Variants in CDH4 observed in about 807,000 individuals in gnomAD.
CDH4 encodes cadherin 4.
In CDH4, 33 loss-of-function variants were observed where a neutral mutation model predicts 86.0. The observed-to-expected ratio is 0.38, with a 90% CI of 0.29 to 0.51. CDH4 has a LOEUF of 0.51. Among genes scored for constraint, CDH4 ranks in the 20% least tolerant of loss-of-function variants. CDH4 has a pLI of 0.86. For synonymous variants in CDH4, 555 were observed against 549.4 expected (o/e 1.01, Z -0.14); for missense variants, 1,114 against 1,307.4 (o/e 0.85, Z 2.28).
At chr20:61,409,834 T>C (rs572508685) in intron 2 of CDH4, among the ~76,000 whole-genome samples, 1 of 152,264 alleles carries the variant, frequency 6.6e-6, no homozygotes, top group East Asian at 1.9e-4. Flanking sequence ...ATTCAATGCT[T>C]CAGAAGCTCA....
At chr20:61,439,269 C>T (rs1270431587) in intron 2 of CDH4, among the ~76,000 whole-genome samples, 1 of 152,124 alleles carries the variant, frequency 6.6e-6, no homozygotes, top group Non-Finnish European at 1.5e-5. Flanking sequence ...TTCGGTTGTA[C>T]TGCAGTGTGC....
chr20:61,752,346 A>T (rs1042567972), intron 3 of CDH4, among the ~76,000 whole-genome samples: 2 of 152,010 alleles, frequency 1.3e-5, no homozygotes, highest in African/African-American at 2.4e-5. Context: ...AAAAAAAAAA[A>T]AAAAGAACTT....
intron 2 of CDH4, among the ~76,000 whole-genome samples, chr20:61,723,568 A>G (rs2088068309): frequency 6.6e-6 from 1 of 152,168 alleles, no homozygotes; most frequent in African/African-American, 2.4e-5. Context: ...AGATACCCCA[A>G]GCACCTGCTC....
At chr20:61,864,378 T>C (rs999179176) in intron 6 of CDH4, among the ~76,000 whole-genome samples, 2 of 152,210 alleles carry the variant, frequency 1.3e-5, no homozygotes, top group Admixed American at 1.3e-4. Flanking sequence ...GGGAACCCCC[T>C]GGTTTCGCCC....
At chr20:61,750,046 G>T (rs2088471241) in intron 3 of CDH4, among the ~76,000 whole-genome samples, 1 of 151,804 alleles carries the variant, frequency 6.6e-6, no homozygotes, top group Non-Finnish European at 1.5e-5. Context: ...GGGCAACACA[G>T]CAAGACCCTA....
chr20:61,482,606 CT>C (rs2085574193), intron 2 of CDH4, among the ~76,000 whole-genome samples: 2 of 152,300 alleles, frequency 1.3e-5, no homozygotes, highest in African/African-American at 4.8e-5. Flanking sequence ...TCTCCTACCC[CT>C]GTTCTGCTGC....
At chr20:61,912,105 C>T (rs746793708) in intron 9 of CDH4, among the ~76,000 whole-genome samples, 12 of 152,104 alleles carry the variant, frequency 7.9e-5, no homozygotes, top group East Asian at 1.9e-4. Context: ...CCAGCCATTA[C>T]GAGACTTTTA....
intron 4 of CDH4, among the ~76,000 whole-genome samples, chr20:61,785,085 T>C (rs1978806298): frequency 6.6e-6 from 1 of 152,098 alleles, no homozygotes; most frequent in Non-Finnish European, 1.5e-5. Context: ...GTCAGGACAC[T>C]CCTCCCTGGC....
At chr20:61,579,410 C>G (rs1056701164) in intron 2 of CDH4, among the ~76,000 whole-genome samples, 2 of 151,698 alleles carry the variant, frequency 1.3e-5, no homozygotes, top group African/African-American at 4.8e-5. Context: ...CCTCAACCTC[C>G]TGAGTAGCTG....
At chr20:61,906,425 C>T (rs902954009) in intron 8 of CDH4, among the ~76,000 whole-genome samples, 4 of 152,262 alleles carry the variant, frequency 2.6e-5, no homozygotes, top group Non-Finnish European at 5.9e-5. Context: ...CTTGGGGTGA[C>T]ATGGCCGCAG....
chr20:61,831,849 C>T (rs1310642521), intron 4 of CDH4, among the ~76,000 whole-genome samples: 3 of 152,252 alleles, frequency 2.0e-5, no homozygotes, highest in Non-Finnish European at 4.4e-5. Flanking sequence ...CAGCATTTGC[C>T]TTCATTCCCA....
chr20:61,590,417 C>T (rs544832600), intron 2 of CDH4, among the ~76,000 whole-genome samples: 6 of 152,276 alleles, frequency 3.9e-5, no homozygotes, highest in East Asian at 1.9e-4. Flanking sequence ...CAGGTTCAGG[C>T]GTCTACTCAC....
chr20:61,463,162 C>T (rs770342996), intron 2 of CDH4, among the ~76,000 whole-genome samples: 14 of 152,252 alleles, frequency 9.2e-5, no homozygotes, highest in East Asian at 1.9e-4. Context: ...CGTCTTCCTC[C>T]GTGATTGTGA....
intron 2 of CDH4, among the ~76,000 whole-genome samples, chr20:61,655,157 G>A (rs745535000): frequency 6.6e-6 from 1 of 152,206 alleles, no homozygotes; most frequent in Non-Finnish European, 1.5e-5. Flanking sequence ...ATGTATGCAG[G>A]CATATATGTG....
chr20:61,923,324 G>A, intron 9 of CDH4, 127 bp from the exon 10 acceptor site: 4 of 930,816 alleles, frequency 4.3e-6, no homozygotes, highest in East Asian at 2.4e-5. Flanking sequence ...CCTGGCTAAA[G>A]AGCAGAGCAG....
chr20:61,282,322 G>A (rs2084263211), intron 2 of CDH4, among the ~76,000 whole-genome samples: 1 of 152,176 alleles, frequency 6.6e-6, no homozygotes, highest in African/African-American at 2.4e-5. Context: ...TTGCGCCACT[G>A]CACTCCAGCC....
intron 4 of CDH4, among the ~76,000 whole-genome samples, chr20:61,787,033 G>T (rs776887851): frequency 6.6e-6 from 1 of 152,224 alleles, no homozygotes; most frequent in African/African-American, 2.4e-5. Context: ...ACTTGAGAAG[G>T]TGAAACTGTC....
chr20:61,797,339 G>T (rs528749489), intron 4 of CDH4, among the ~76,000 whole-genome samples: 1 of 152,238 alleles, frequency 6.6e-6, no homozygotes, highest in Non-Finnish European at 1.5e-5. Context: ...CCAGGGTGGG[G>T]ACGAGCAGGA....
intron 8 of CDH4, among the ~76,000 whole-genome samples, chr20:61,898,128 G>A (rs1456530173): frequency 6.6e-6 from 1 of 152,210 alleles, no homozygotes; most frequent in African/African-American, 2.4e-5. Context: ...ACAGGCAGGA[G>A]CCCCGGGACA....
Sources: allele counts gnomAD v4.1 joint callset (sites outside exome capture counted in the v4.1 genomes callset), GRCh38; gene constraint gnomAD v4.1.1; transcripts MANE v1.5; gene names NCBI Gene and HGNC (gene_info 2026-07-23, HGNC 2026-07-21).